The following ZNF324B variants were observed in gnomAD, a reference collection of about 807,000 sequenced individuals.
The protein encoded by ZNF324B is zinc finger protein 324B.
ZNF324B carries 7 observed loss-of-function variants against 10.6 expected under a neutral mutation model. The observed-to-expected ratio is 0.66, with a 90% confidence interval of 0.38 to 1.24. The LOEUF (loss-of-function observed/expected upper bound fraction) is 1.24. Among genes scored for constraint, ZNF324B ranks in the 50% most tolerant of loss-of-function variants. The pLI is 0.02. For synonymous variants in ZNF324B, 316 were observed against 321.0 expected, an observed-to-expected ratio of 0.98 and a Z score of 0.17; for missense variants, 640 against 764.7, an observed-to-expected ratio of 0.84 and a Z score of 1.92.
the ZNF324B span, among the ~76,000 whole-genome samples, chr19:58,427,361 T>TC: frequency 5.6e-5 from 3 of 53,550 alleles, no homozygotes; most frequent in Non-Finnish European, 1.2e-4. Context: ...TTTCTTTCTT[T>TC]CTTTCTTTCT....
chr19:58,437,420 G>A, the ZNF324B span, among the ~76,000 whole-genome samples: 1 of 152,124 alleles, frequency 6.6e-6, no homozygotes, highest in Non-Finnish European at 1.5e-5. Context: ...TCTCCTAGTA[G>A]TCCCACTGGT....
At chr19:58,419,462 T>C in the ZNF324B span, among the ~76,000 whole-genome samples, 1 of 152,206 alleles carries the variant, frequency 6.6e-6, no homozygotes, top group Non-Finnish European at 1.5e-5. Context: ...TTTCAGCCAG[T>C]TCTAAAGAGG....
the ZNF324B span, among the ~76,000 whole-genome samples, chr19:58,426,511 G>A: frequency 6.6e-6 from 1 of 152,192 alleles, no homozygotes; most frequent in African/African-American, 2.4e-5. Context: ...AGCAGTAGGA[G>A]TCCAAGTTGA....
chr19:58,422,987 G>A, the ZNF324B span, among the ~76,000 whole-genome samples: 8 of 148,190 alleles, frequency 5.4e-5, no homozygotes, highest in Admixed American at 2.0e-4. Flanking sequence ...CTTCTGCCTC[G>A]GCCTTCCCAG....
the ZNF324B span, chr19:58,437,694 C>A: frequency 1.0e-6 from 1 of 984,844 alleles, no homozygotes; most frequent in Non-Finnish European, 1.2e-6. Flanking sequence ...TGTAGGCATT[C>A]TCCCTAGCAT....
chr19:58,433,605 G>A, the ZNF324B span: 4 of 1,613,902 alleles, frequency 2.5e-6, no homozygotes, highest in Non-Finnish European at 3.4e-6. Flanking sequence ...GACAAATAAG[G>A]CTGGATTTTC....
chr19:58,447,561 G>A (rs573379478), upstream of ZNF324B, among the ~76,000 whole-genome samples: 4 of 152,246 alleles, frequency 2.6e-5, no homozygotes, highest in South Asian at 2.1e-4. Context: ...GAAGTTAAAC[G>A]TCTCCAAACA....
chr19:58,420,015 T>G, the ZNF324B span, among the ~76,000 whole-genome samples: 1 of 152,076 alleles, frequency 6.6e-6, no homozygotes, highest in Non-Finnish European at 1.5e-5. Context: ...GGCGTGGTGG[T>G]CGATGCATGT....
chr19:58,456,175 T>A lies in ZNF324B; in HGVS notation c.1231T>A (p.Ser411Thr). 1 of 1,613,032 alleles carries A rather than the reference T, an allele frequency of 6.2e-7. No individual in the cohort carries two copies. The highest frequency in any genetic ancestry group is 2.2e-5 in the East Asian group (1 of 44,832). Reference protein sequence around the residue: ...LCGAAFSQGSSLFLHQRVHTG... With the variant: ...LCGAAFSQGSTLFLHQRVHTG... ...CGGTGCTGCCTTCAGCCAGGGCTCC[T>A]CGCTCTTTTTGCACCAGCGCGTGCA... Residue 411 changes from serine (S) to threonine (T), a missense_variant, in exon 4 of 4, where the codon TCG becomes ACG. Physicochemically the swap from Ser to Thr is moderately conservative, Grantham distance 58. Coordinates refer to ENST00000336614, the MANE Select transcript of ZNF324B (RefSeq NM_207395.3). The surrounding 1 kb of genome is among the most constrained non-coding windows in gnomAD (Gnocchi z 4.7).
the ZNF324B span, chr19:58,445,323 G>A: frequency 8.1e-6 from 4 of 494,054 alleles, no homozygotes; most frequent in South Asian, 4.4e-5. Context: ...GTAGCATGTA[G>A]GAGAGCAAAA....
At chr19:58,439,887 G>A in the ZNF324B span, 50 of 1,490,468 alleles carry the variant, frequency 3.4e-5, no homozygotes, top group African/African-American at 5.0e-4. Flanking sequence ...GGTGACGGTC[G>A]CACTCAGGAC....
chr19:58,420,496 AG>A, the ZNF324B span, among the ~76,000 whole-genome samples: 2 of 148,602 alleles, frequency 1.3e-5, no homozygotes, highest in Admixed American at 1.3e-4. Context: ...TGGGATACTG[AG>A]GTGGGAGGAT....
At chr19:58,421,960 C>G in the ZNF324B span, among the ~76,000 whole-genome samples, 3 of 152,150 alleles carry the variant, frequency 2.0e-5, no homozygotes, top group African/African-American at 7.2e-5. Flanking sequence ...CTCTGTAACC[C>G]AGGCTGGAGT....
the ZNF324B span, chr19:58,434,236 T>C: frequency 1.9e-6 from 3 of 1,613,830 alleles, no homozygotes; most frequent in Non-Finnish European, 2.5e-6. Flanking sequence ...ACTGCACTCA[T>C]AAGGTCTTAC....
the ZNF324B span, chr19:58,434,572 TG>T: frequency 3.1e-6 from 5 of 1,614,122 alleles, 1 homozygote; most frequent in South Asian, 5.5e-5. Flanking sequence ...CTTACACACA[TG>T]GGGTATTTCC....
the ZNF324B span, chr19:58,443,138 C>T: frequency 6.6e-6 from 1 of 152,204 alleles, no homozygotes; most frequent in African/African-American, 2.4e-5. Context: ...ATTTACAATC[C>T]TTTAGCTAGA....
At chr19:58,449,829 C>G (rs2052842979), upstream of ZNF324B, among the ~76,000 whole-genome samples, 1 of 152,162 alleles carries the variant, frequency 6.6e-6, no homozygotes, top group Non-Finnish European at 1.5e-5. Flanking sequence ...ATTGCCTTGT[C>G]TCAGATGAGA....
chr19:58,435,117 G>A, the ZNF324B span: 1 of 1,614,164 alleles, frequency 6.2e-7, no homozygotes. Flanking sequence ...CTTTCTTGGT[G>A]GAAGGATCTG....
At chr19:58,454,375 GGA>G (rs748283664) in intron 3 of ZNF324B, 31 bp downstream of exon 3, 2 of 1,443,996 alleles carry the variant, frequency 1.4e-6, no homozygotes, top group African/African-American at 2.8e-5. Flanking sequence ...GGTGAACTAA[GGA>G]CCAACCTGTG....
Sources: allele counts gnomAD v4.1 joint callset (sites outside exome capture counted in the v4.1 genomes callset), GRCh38; gene constraint gnomAD v4.1.1; non-coding constraint Gnocchi (gnomAD v3.1); transcripts MANE v1.5; gene names NCBI Gene and HGNC (gene_info 2026-07-23, HGNC 2026-07-21).